PDE4A: variants seen among roughly 807,000 people sequenced by gnomAD.
The protein encoded by PDE4A is phosphodiesterase 4A, also known as 3',5'-cyclic-AMP phosphodiesterase 4A.
In PDE4A, 21 loss-of-function variants were observed where a neutral mutation model predicts 73.9. That is an observed-to-expected ratio of 0.28 (90% CI 0.20 to 0.41). The LOEUF is 0.41. PDE4A is among the 10% of genes least tolerant of loss of function. PDE4A has a pLI of 1.00. For synonymous variants in PDE4A, 463 were observed against 505.4 expected, an observed-to-expected ratio of 0.92 and a Z score of 1.13; for missense variants, 958 against 1,211.4, an observed-to-expected ratio of 0.79 and a Z score of 3.10.
intron 14 of PDE4A, among the ~76,000 whole-genome samples, chr19:10,465,593 TCACA>T (rs2043352913): frequency 6.8e-6 from 1 of 146,830 alleles, no homozygotes; most frequent in Admixed American, 6.9e-5. Context: ...GCAAAATCAC[TCACA>T]CACACCCCAT....
intron 1 of PDE4A, chr19:10,432,572 G>C: frequency 1.3e-6 from 2 of 1,520,952 alleles, no homozygotes; most frequent in East Asian, 5.4e-5. Context: ...GATCTGTCAG[G>C]TGGGTGGCCC....
upstream of PDE4A, chr19:10,416,990 G>A (rs148854414): frequency 0.024 from 36,514 of 1,539,710 alleles, 663 homozygotes; most frequent in South Asian, 0.076. Context: ...CCGGGGACGA[G>A]GTGCGAGAGG....
Position 10,436,076 on chromosome 19 carries a change from T to C in PDE4A, c.321-10142T>C, listed in dbSNP as rs577585330. Among the ~76,000 whole-genome samples, 19 of 152,242 alleles carry C rather than the reference T, an allele frequency of 1.2e-4. No individual in the cohort carries two copies. The South Asian group carries it at 3.9e-3, about 32-fold the overall frequency. ...CAGGATGTGCTAGCTGGGCACCTGCTTGGGAACAGAGTCTCACCATCCTAA... is the reference window on the plus strand; with the variant it reads ...CAGGATGTGCTAGCTGGGCACCTGCCTGGGAACAGAGTCTCACCATCCTAA... On this transcript the variant is annotated intron_variant, in intron 1 of 14. Transcript: ENST00000380702.
chr19:10,417,933 G>C (rs2145433738), upstream of PDE4A: 3 of 1,481,942 alleles, frequency 2.0e-6, no homozygotes, highest in African/African-American at 2.8e-5. Context: ...GCTAGGTCCA[G>C]CCACCAGCCC....
chr19:10,429,360 G>A (rs529445817), intron 1 of PDE4A, among the ~76,000 whole-genome samples: 7 of 151,340 alleles, frequency 4.6e-5, no homozygotes, highest in East Asian at 1.9e-4. Flanking sequence ...CTTTTTTTTC[G>A]TGAGACAGGG....
chr19:10,439,373 G>T (rs1449979895), intron 1 of PDE4A, among the ~76,000 whole-genome samples: 1 of 151,992 alleles, frequency 6.6e-6, no homozygotes, highest in African/African-American at 2.4e-5. Flanking sequence ...GTAGAGATTG[G>T]GTTTCACCGT....
upstream of PDE4A, chr19:10,417,727 G>A (rs754193437): frequency 1.9e-6 from 3 of 1,590,294 alleles, no homozygotes. Flanking sequence ...CGCCCTCGCC[G>A]CCGCCTCTCG....
At chr19:10,431,022 C>T (rs753643157) in intron 1 of PDE4A, 1 of 1,578,632 alleles carries the variant, frequency 6.3e-7, no homozygotes, top group Non-Finnish European at 8.6e-7. Context: ...CCCAACTTTC[C>T]GCAGACGCCT....
intron 11 of PDE4A, 51 bp from the exon 12 acceptor site, chr19:10,461,475 G>T: frequency 1.3e-6 from 2 of 1,599,884 alleles, no homozygotes; most frequent in Non-Finnish European, 8.5e-7. Context: ...GCCCTCCTGC[G>T]GTTGGAGCTG....
intron 2 of PDE4A, among the ~76,000 whole-genome samples, chr19:10,448,496 G>T (rs372221836): frequency 6.6e-6 from 1 of 151,610 alleles, no homozygotes; most frequent in Non-Finnish European, 1.5e-5. Flanking sequence ...AATTAGTGGG[G>T]CGAGAGGCAC....
intron 6 of PDE4A, among the ~76,000 whole-genome samples, chr19:10,452,612 G>A (rs1040390322): frequency 6.6e-5 from 10 of 150,844 alleles, no homozygotes; most frequent in Admixed American, 4.0e-4. Flanking sequence ...GACTGTCTCC[G>A]GGTGTGTGTG....
chr19:10,417,374 TAGAG>T (rs766226015), upstream of PDE4A: 21 of 984,936 alleles, frequency 2.1e-5, no homozygotes, highest in Non-Finnish European at 2.5e-5. Flanking sequence ...GGTGATGTGT[TAGAG>T]AGGTCTCACA....
chr19:10,460,198 TAAA>T (rs886564156), intron 10 of PDE4A, among the ~76,000 whole-genome samples: 1 of 142,670 alleles, frequency 7.0e-6, no homozygotes, highest in African/African-American at 2.6e-5. Flanking sequence ...TCTTATTTCT[TAAA>T]AAAAAAAAAG....
chr19:10,430,990 C>T, intron 1 of PDE4A: 3 of 1,572,352 alleles, frequency 1.9e-6, no homozygotes, highest in East Asian at 4.7e-5. Flanking sequence ...CCCTCCTCGC[C>T]CGTCTTCTTC....
At chr19:10,431,099 C>A (rs2042783290) in intron 1 of PDE4A, 65 of 1,496,256 alleles carry the variant, frequency 4.3e-5, no homozygotes, top group Non-Finnish European at 5.8e-5. Context: ...AAGTGCAGCG[C>A]TGGTGGCCGT....
At chr19:10,427,652 C>G in intron 1 of PDE4A, 1 of 980,930 alleles carries the variant, frequency 1.0e-6, no homozygotes, top group East Asian at 1.1e-4. Flanking sequence ...AGCCAGACAG[C>G]TGGGTCCATA....
intron 6 of PDE4A, 33 bp downstream of exon 6, chr19:10,450,974 G>T (rs2043081257): frequency 6.4e-7 from 1 of 1,551,204 alleles, no homozygotes; most frequent in South Asian, 1.2e-5. Context: ...CCCTGGGCGG[G>T]GCAGGCGGGG....
At chr19:10,466,564 C>T (rs1256917199) in intron 14 of PDE4A, among the ~76,000 whole-genome samples, 5 of 151,480 alleles carry the variant, frequency 3.3e-5, no homozygotes, top group African/African-American at 1.2e-4. Context: ...GTGGTGCGAT[C>T]GCAGCTCATT....
chr19:10,417,036 G>T (rs556219749), upstream of PDE4A: 112 of 1,532,554 alleles, frequency 7.3e-5, no homozygotes, highest in East Asian at 2.4e-4. Context: ...TCGCCCCTTG[G>T]GGGAGACTAG....
Sources: gnomAD v4.1 joint callset for allele counts (sites outside exome capture counted in the v4.1 genomes callset) on GRCh38, gnomAD v4.1.1 for gene constraint, MANE v1.5 for transcripts, NCBI Gene and HGNC (gene_info 2026-07-23, HGNC 2026-07-21) for gene names.